Variants in PPM1L observed in about 807,000 individuals in gnomAD.
The protein encoded by PPM1L is protein phosphatase, Mg2+/Mn2+ dependent 1L.
PPM1L carries 13 observed loss-of-function variants against 31.4 expected under a neutral mutation model. The ratio of observed to expected loss-of-function variants is 0.41; its 90% CI spans 0.27 to 0.66. The LOEUF is 0.66. PPM1L is among the 30% of genes least tolerant of loss of function. The pLI is 0.29. For missense variants in PPM1L, 326 were observed against 453.7 expected, an observed-to-expected ratio of 0.72 and a Z score of 2.56; for synonymous variants, 184 against 175.4, an observed-to-expected ratio of 1.05 and a Z score of -0.39.
chr3:161,063,504 A>G (rs773092588), intron 2 of PPM1L, among the ~76,000 whole-genome samples: 2 of 152,162 alleles, frequency 1.3e-5, no homozygotes, highest in African/African-American at 2.4e-5. Context: ...TGCTCTTGAT[A>G]TCAACCTGTG....
intron 1 of PPM1L, among the ~76,000 whole-genome samples, chr3:160,913,055 CCTGTGGACAAAAT>C (rs1388227551): frequency 6.6e-6 from 1 of 151,858 alleles, no homozygotes; most frequent in Non-Finnish European, 1.5e-5. Context: ...GATGGGATGC[CCTGTGGACAAAAT>C]CCATGAAGAT....
chr3:160,792,714 C>T (rs1431772360), intron 1 of PPM1L, among the ~76,000 whole-genome samples: 1 of 152,198 alleles, frequency 6.6e-6, no homozygotes, highest in Non-Finnish European at 1.5e-5. Context: ...ATCTATGTTT[C>T]TGACCAACTA....
At chr3:160,954,722 A>G (rs1715684993) in intron 1 of PPM1L, among the ~76,000 whole-genome samples, 1 of 151,914 alleles carries the variant, frequency 6.6e-6, no homozygotes, top group Admixed American at 6.6e-5. Flanking sequence ...TTTATAACAC[A>G]ATTTTTAATT....
At chr3:161,032,866 ATT>A (rs61145165) in intron 2 of PPM1L, among the ~76,000 whole-genome samples, 25,444 of 107,078 alleles carry the variant, frequency 0.24, 3,524 homozygotes, top group African/African-American at 0.41. Flanking sequence ...CTAATTTTGT[ATT>A]TTTTTTTTTT....
chr3:160,870,258 C>T (rs1340661903), intron 1 of PPM1L, among the ~76,000 whole-genome samples: 2 of 152,172 alleles, frequency 1.3e-5, no homozygotes, highest in Admixed American at 6.5e-5. Context: ...TTGTCCCACC[C>T]ACTCTCCGGA....
chr3:160,999,065 G>A (rs1045198351), intron 2 of PPM1L, among the ~76,000 whole-genome samples: 1 of 152,160 alleles, frequency 6.6e-6, no homozygotes, highest in Non-Finnish European at 1.5e-5. Context: ...TGCAATTTTG[G>A]TGCAATGTTG....
chr3:161,069,526 T>G lies in PPM1L; in HGVS notation c.*369T>G. 1 of 246,370 alleles carries G rather than the reference T, an allele frequency of 4.1e-6. No individual in the cohort carries two copies. The highest frequency in any genetic ancestry group is 8.0e-6 in the Non-Finnish European group (1 of 125,374). The allele number at this position is 246,370 out of a possible 1,614,324, so 15.3% of individuals were successfully genotyped here. A position where few individuals can be genotyped will look rare whatever the true frequency, so the allele number is the denominator to read the frequency against. ...AGGCATCAGCTGTTGTGTCCTCTCT[T>G]TGTAACAGTGGACAGGACAGACCAC... On this transcript the variant is annotated 3_prime_UTR_variant, in exon 4 of 4. Transcript: ENST00000498165.
At chr3:161,023,197 T>G (rs532737324) in intron 2 of PPM1L, among the ~76,000 whole-genome samples, 29 of 152,114 alleles carry the variant, frequency 1.9e-4, no homozygotes, top group Admixed American at 1.9e-3. Context: ...TTTGATTGTA[T>G]GTCTTGGTGT....
intron 1 of PPM1L, among the ~76,000 whole-genome samples, chr3:160,804,853 AT>A (rs1482640831): frequency 2.0e-5 from 3 of 152,182 alleles, no homozygotes; most frequent in Non-Finnish European, 4.4e-5. Context: ...GAGGATGCAC[AT>A]TTGTGGTTAG....
chr3:160,988,684 G>A (rs1484531227), intron 2 of PPM1L, among the ~76,000 whole-genome samples: 5 of 152,122 alleles, frequency 3.3e-5, no homozygotes, highest in Admixed American at 3.3e-4. Context: ...GAGAAGTTAA[G>A]TGATTTTCTC....
intron 1 of PPM1L, among the ~76,000 whole-genome samples, chr3:160,927,397 C>T (rs943984808): frequency 6.6e-6 from 1 of 152,052 alleles, no homozygotes; most frequent in Non-Finnish European, 1.5e-5. Flanking sequence ...CATAGAGCAA[C>T]TTTTGAACAA....
intron 1 of PPM1L, among the ~76,000 whole-genome samples, chr3:160,790,504 G>T (rs1411266243): frequency 2.6e-5 from 4 of 152,056 alleles, no homozygotes; most frequent in Non-Finnish European, 4.4e-5. Context: ...TCAGGGAGAT[G>T]AACACCTTTT....
At chr3:160,995,614 C>A (rs936204179) in intron 2 of PPM1L, among the ~76,000 whole-genome samples, 2 of 152,148 alleles carry the variant, frequency 1.3e-5, no homozygotes, top group Non-Finnish European at 2.9e-5. Context: ...AGCCACCATG[C>A]CTGGTCCAGG....
At chr3:160,890,848 A>T (rs766654002) in intron 1 of PPM1L, among the ~76,000 whole-genome samples, 3 of 152,204 alleles carry the variant, frequency 2.0e-5, no homozygotes, top group Non-Finnish European at 4.4e-5. Context: ...GAGCTTCGAC[A>T]AACCTGACAA....
chr3:160,993,090 T>G (rs1717189262), intron 2 of PPM1L, among the ~76,000 whole-genome samples: 1 of 151,828 alleles, frequency 6.6e-6, no homozygotes, highest in East Asian at 1.9e-4. Context: ...TTTTTTTTTC[T>G]TGGTTTTGTT....
chr3:161,059,923 C>T (rs920057537), intron 2 of PPM1L, among the ~76,000 whole-genome samples: 3 of 152,024 alleles, frequency 2.0e-5, no homozygotes, highest in Admixed American at 1.3e-4. Flanking sequence ...CTTGAGGCCT[C>T]CCCAGAAGCA....
chr3:161,056,792 T>G (rs1416808653), intron 2 of PPM1L, among the ~76,000 whole-genome samples: 1 of 152,164 alleles, frequency 6.6e-6, no homozygotes, highest in African/African-American at 2.4e-5. Flanking sequence ...GCCGGCACGT[T>G]GGCTCACCCC....
chr3:161,025,015 G>A (rs191538564), intron 2 of PPM1L, among the ~76,000 whole-genome samples: 1 of 152,260 alleles, frequency 6.6e-6, no homozygotes, highest in East Asian at 1.9e-4. Flanking sequence ...GAAAGCTTCA[G>A]GCTAATTTCT....
rs1387277018 is a variant in PPM1L, at chr3:161,070,281, G to A, written c.*1124G>A. 1.3e-5 allele frequency: 2 copies of A among 152,244 alleles called. No individual in the cohort carries two copies. Among genetic ancestry groups the A allele is most frequent in the African/African-American group, 4.8e-5 (2 of 41,462 alleles). The allele number at this position is 152,244 out of a possible 1,614,324, so 9.4% of individuals were successfully genotyped here. ...AGAGTTCCCAGCTACTGCAGCTTGG[G>A]ATTTGGTGGGAAACTACTGGGATAA... On this transcript the variant is annotated 3_prime_UTR_variant, in exon 4 of 4. Transcript: ENST00000498165.
Sources: allele counts gnomAD v4.1 joint callset (sites outside exome capture counted in the v4.1 genomes callset), GRCh38; gene constraint gnomAD v4.1.1; transcripts MANE v1.5; gene names NCBI Gene and HGNC (gene_info 2026-07-23, HGNC 2026-07-21).